SORCS1: variants seen among roughly 807,000 people sequenced by gnomAD.
The protein encoded by SORCS1 is VPS10 domain-containing receptor SorCS1.
SORCS1 carries 60 observed loss-of-function variants against 146.1 expected under a neutral mutation model. The observed-to-expected ratio is 0.41, with a 90% CI of 0.33 to 0.51. The LOEUF is 0.51. Ranked by LOEUF, SORCS1 falls within the 20% of genes least tolerant of loss-of-function variation. SORCS1 has a pLI of 0.21. For missense variants in SORCS1, 1,352 were observed against 1,487.6 expected (o/e 0.91, Z 1.50); for synonymous variants, 637 against 584.0 (o/e 1.09, Z -1.31).
intron 2 of SORCS1, among the ~76,000 whole-genome samples, chr10:106,886,505 G>C (rs1175642392): frequency 6.6e-6 from 1 of 152,052 alleles, no homozygotes; most frequent in East Asian, 1.9e-4. Context: ...TAACTAAGCT[G>C]TCCCAAGATT....
intron 2 of SORCS1, among the ~76,000 whole-genome samples, chr10:106,882,290 A>C (rs866036924): frequency 6.6e-6 from 1 of 151,854 alleles, no homozygotes; most frequent in African/African-American, 2.4e-5. Context: ...AAAAAAAATC[A>C]CCAAAAAAGT....
In SORCS1 at chr10:106,916,449, T is replaced by C. The variant is rs531470640; in HGVS notation, c.626+40064A>G. Among the ~76,000 whole-genome samples, 14 of 149,068 alleles carry C rather than the reference T, an allele frequency of 9.4e-5. No homozygotes were observed. The East Asian group carries it at 2.3e-3, about 25-fold the overall frequency. ...ATACACATACACACGATTGTATATA[T>C]GATTATATATTATGTATATATGTAT... On this transcript the variant is annotated intron_variant, in intron 2 of 25. Coordinates refer to ENST00000263054, the MANE Select transcript of SORCS1 (RefSeq NM_052918.5).
chr10:107,021,422 G>A (rs144320975), intron 1 of SORCS1, among the ~76,000 whole-genome samples: 4 of 147,452 alleles, frequency 2.7e-5, no homozygotes, highest in African/African-American at 9.9e-5. Flanking sequence ...ACTGAGGCAG[G>A]AGAATGGCGT....
intron 1 of SORCS1, among the ~76,000 whole-genome samples, chr10:107,058,292 C>T (rs960322930): frequency 2.0e-5 from 3 of 152,104 alleles, no homozygotes; most frequent in Non-Finnish European, 2.9e-5. Context: ...CCGCCTGCCT[C>T]GGCCTCCCAA....
At chr10:107,146,663 T>C (rs1424703067) in intron 1 of SORCS1, among the ~76,000 whole-genome samples, 2 of 152,144 alleles carry the variant, frequency 1.3e-5, no homozygotes, top group African/African-American at 4.8e-5. Flanking sequence ...CTAAACGCAG[T>C]AGAATATAGT....
At chr10:106,892,222 A>G (rs1330155149) in intron 2 of SORCS1, among the ~76,000 whole-genome samples, 1 of 152,094 alleles carries the variant, frequency 6.6e-6, no homozygotes, top group Admixed American at 6.6e-5. Flanking sequence ...AGTCACCAAC[A>G]CTCTTTGGTG....
intron 1 of SORCS1, among the ~76,000 whole-genome samples, chr10:107,115,461 G>A (rs1208767840): frequency 3.3e-5 from 5 of 151,948 alleles, no homozygotes; most frequent in South Asian, 2.1e-4. Context: ...CACATATGTC[G>A]TCAACTAATC....
intron 1 of SORCS1, among the ~76,000 whole-genome samples, chr10:107,026,463 C>T (rs1238079496): frequency 1.3e-5 from 2 of 151,762 alleles, no homozygotes; most frequent in African/African-American, 4.8e-5. Flanking sequence ...ACTAAAAATA[C>T]AAAAAATTAG....
intron 1 of SORCS1, among the ~76,000 whole-genome samples, chr10:107,151,833 A>G (rs897376449): frequency 3.9e-5 from 6 of 152,216 alleles, no homozygotes; most frequent in African/African-American, 1.4e-4. Context: ...TTCAAGAGGG[A>G]GCAGAGAAAT....
chr10:107,016,944 A>G (rs35694066), intron 1 of SORCS1, among the ~76,000 whole-genome samples: 1,873 of 152,314 alleles, frequency 0.012, 26 homozygotes, highest in Middle Eastern at 0.027. Context: ...GAAAACACAA[A>G]CGAAAATCAC....
intron 5 of SORCS1, among the ~76,000 whole-genome samples, chr10:106,732,720 G>A (rs1358964294): frequency 6.6e-6 from 1 of 152,112 alleles, no homozygotes. Context: ...TTCCATGTGC[G>A]TATAGTCTCA....
At chr10:107,064,468 A>T (rs1471982025) in intron 1 of SORCS1, among the ~76,000 whole-genome samples, 1 of 152,168 alleles carries the variant, frequency 6.6e-6, no homozygotes, top group African/African-American at 2.4e-5. Context: ...ACTGTTTGGG[A>T]GCCAGAGGTG....
chr10:106,633,286 C>T (rs920443209), intron 18 of SORCS1, among the ~76,000 whole-genome samples: 1 of 152,054 alleles, frequency 6.6e-6, no homozygotes, highest in African/African-American at 2.4e-5. Context: ...ATATCTATAA[C>T]CTTGAATCTT....
chr10:106,964,369 T>C (rs955250329), intron 1 of SORCS1, among the ~76,000 whole-genome samples: 4 of 152,230 alleles, frequency 2.6e-5, no homozygotes, highest in African/African-American at 9.6e-5. Context: ...AGTGATGCAC[T>C]CATAGCTCAC....
At chr10:106,739,107 A>G (rs1322157793) in intron 5 of SORCS1, among the ~76,000 whole-genome samples, 5 of 152,228 alleles carry the variant, frequency 3.3e-5, no homozygotes, top group Non-Finnish European at 7.3e-5. Flanking sequence ...AAGAAATAAA[A>G]GAATCATGAG....
chr10:107,143,428 A>T (rs1056670503), intron 1 of SORCS1, among the ~76,000 whole-genome samples: 3 of 152,138 alleles, frequency 2.0e-5, no homozygotes, highest in Non-Finnish European at 4.4e-5. Flanking sequence ...CCAGGGCTCA[A>T]GCCATCCTCC....
intron 1 of SORCS1, among the ~76,000 whole-genome samples, chr10:107,015,744 A>G (rs372114294): frequency 6.6e-6 from 1 of 152,226 alleles, no homozygotes; most frequent in East Asian, 1.9e-4. Flanking sequence ...AGAACATTTG[A>G]TGAATTAGAA....
intron 10 of SORCS1, among the ~76,000 whole-genome samples, chr10:106,684,292 C>T (rs1486203467): frequency 2.6e-5 from 4 of 152,126 alleles, no homozygotes; most frequent in Non-Finnish European, 4.4e-5. Flanking sequence ...GAGCCGAGAT[C>T]GCACCACTGC....
intron 6 of SORCS1, among the ~76,000 whole-genome samples, chr10:106,718,574 A>C (rs1855549243): frequency 6.6e-6 from 1 of 152,256 alleles, no homozygotes; most frequent in African/African-American, 2.4e-5. Flanking sequence ...AGCAGCAGCA[A>C]GATTTATTGC....
Sources: allele counts gnomAD v4.1 joint callset (sites outside exome capture counted in the v4.1 genomes callset), GRCh38; gene constraint gnomAD v4.1.1; transcripts MANE v1.5; gene names NCBI Gene and HGNC (gene_info 2026-07-23, HGNC 2026-07-21).